ALAS2: variants seen among roughly 807,000 people sequenced by gnomAD.
The protein encoded by ALAS2 is 5-aminolevulinate synthase, erythroid-specific, mitochondrial.
Under a neutral mutation model 33.7 loss-of-function variants are expected in ALAS2, and 3 were observed. That is an observed-to-expected ratio of 0.09 (90% CI 0.04 to 0.23). ALAS2 has a LOEUF of 0.23. Among genes scored for constraint, ALAS2 ranks in the 10% least tolerant of loss-of-function variants. The pLI is 1.00. For synonymous variants in ALAS2, 191 were observed against 177.3 expected, an observed-to-expected ratio of 1.08 and a Z score of -0.61; for missense variants, 304 against 475.1, an observed-to-expected ratio of 0.64 and a Z score of 3.35.
chrX:55,013,973 A>T (rs1221659616), intron 9 of ALAS2, among the ~76,000 whole-genome samples: 3 of 110,780 alleles, frequency 2.7e-5, no homozygotes, highest in African/African-American at 9.9e-5. Flanking sequence ...CACCAAGCCA[A>T]TTCTGGAACC....
chrX:55,025,341 C>T (rs1476697850), intron 2 of ALAS2, among the ~76,000 whole-genome samples: 2 of 111,050 alleles, frequency 1.8e-5, no homozygotes, highest in East Asian at 5.7e-4. Context: ...CTTTTCTTTT[C>T]TTTTCTTTTC....
intron 1 of ALAS2, chrX:55,027,612 A>G: frequency 1.7e-6 from 1 of 581,708 alleles, no homozygotes. Context: ...CACTGTGAAG[A>G]AAGTTACTGA....
chrX:55,012,635 A>C (rs1602243987), intron 10 of ALAS2, among the ~76,000 whole-genome samples: 2 of 111,588 alleles, frequency 1.8e-5, no homozygotes, highest in South Asian at 3.8e-4. Context: ...AAAAATACAG[A>C]AATTAGCTAG....
Position 55,024,753 on chromosome X carries a change from G to C in ALAS2, c.269C>G (p.Pro90Arg). 8.3e-7 allele frequency: 1 copy of C among 1,211,756 alleles called. No individual in the cohort carries two copies. The highest frequency in any genetic ancestry group is 1.1e-6 in the Non-Finnish European group (1 of 895,420). Residue 90 changes from proline to arginine, a missense_variant, in exon 3 of 11, where the codon CCA (proline) becomes CGA (arginine). Transcript: ENST00000650242. The stretch of plus-strand genomic sequence containing the variant: ...AGCCTTCACATCTTCCTGGACTTCT[G>C]GGGCTGCCTTCTGCACAATCTTGCT... ...GKSKIVQKAA[P>R]EVQEDVKAFK...
chrX:55,015,533 C>T, intron 8 of ALAS2, 45 bp downstream of exon 8: 1 of 1,201,799 alleles, frequency 8.3e-7, no homozygotes, highest in Non-Finnish European at 1.1e-6. Context: ...TTGTAAGGGC[C>T]TCCTCTCTGG....
intron 6 of ALAS2, among the ~76,000 whole-genome samples, chrX:55,018,610 A>G (rs1334660307): frequency 8.9e-6 from 1 of 111,938 alleles, no homozygotes; most frequent in African/African-American, 3.2e-5. Context: ...GAATGAGTAT[A>G]TGAATGAATG....
At chrX:55,023,241 T>A (rs935349184) in intron 4 of ALAS2, among the ~76,000 whole-genome samples, 4 of 110,024 alleles carry the variant, frequency 3.6e-5, no homozygotes, top group African/African-American at 1.0e-4. Flanking sequence ...TAGAAAAATA[T>A]CTGGGAGAAA....
chrX:55,021,133 A>G lies in ALAS2; in HGVS notation c.557T>C (p.Val186Ala), dbSNP rs1569547866. Reference sequence around the variant, plus strand: ...CCAGACGGACACATCCTTTGAGGCCACAGATGCCTCAGAGAAATGTTGGGC... The same window carrying G: ...CCAGACGGACACATCCTTTGAGGCCGCAGATGCCTCAGAGAAATGTTGGGC... ...PFAQHFSEASVASKDVSVWCS... is the reference protein window; with the variant it reads ...PFAQHFSEASAASKDVSVWCS... The change falls in exon 5 of 11, where the codon GTG becomes GCG. Residue 186 changes from valine (V) to alanine (A), a missense_variant. Around this residue, in one of 3 missense-constraint regions of ALAS2, gnomAD observed 138 missense variants for 265.3 expected, o/e 0.52. Coordinates refer to ENST00000650242, the MANE Select transcript of ALAS2 (RefSeq NM_000032.5). 8.3e-7 allele frequency: 1 copy of G among 1,211,818 alleles called. No individual in the cohort carries two copies. The highest frequency in any genetic ancestry group is 1.7e-5 in the African/African-American group (1 of 57,878).
At chrX:55,030,733 T>C (rs1469916270) in intron 1 of ALAS2, among the ~76,000 whole-genome samples, 2 of 106,425 alleles carry the variant, frequency 1.9e-5, no homozygotes, top group Non-Finnish European at 3.9e-5. Context: ...CAAAAGAAAG[T>C]AACGAAGGGA....
At position 55,017,512 on chromosome X, in the gene ALAS2, G is replaced by C; in HGVS notation, c.977C>G (p.Ala326Gly). The stretch of plus-strand genomic sequence containing the variant: ...ATCCATGGAGTGGACAGTCTCAAAG[G>C]CCACAATTTTGGGTATCTTAGGGTT... The part of the protein sequence containing the change: ...KSNPKIPKIV[A>G]FETVHSMDGA... Residue 326 changes from alanine to glycine, a missense_variant, in exon 7 of 11, where the codon GCC (alanine) becomes GGC (glycine). Ala to Gly is a moderately conservative substitution (Grantham distance 60). Transcript: ENST00000650242. The C allele has an allele frequency of 8.3e-7, 1 of 1,210,661 alleles. No homozygotes were observed. Among genetic ancestry groups the C allele is most frequent in the Non-Finnish European group, 1.1e-6 (1 of 894,860 alleles).
At position 55,027,568 on chromosome X, in the gene ALAS2, G is replaced by A. The variant is rs57897376; in HGVS notation, c.-15-1553C>T. On this transcript the variant is annotated intron_variant, in intron 1 of 10. Transcript: ENST00000650242. ...AGATAAGGGACAGTACAATGGGAGA[G>A]ACATGGGAGAATGTGAGAAGACTAA... Among the ~76,000 whole-genome samples the A allele has an allele frequency of 0.019, 2,121 of 111,448 alleles. 38 individuals are homozygous for A. Among genetic ancestry groups the A allele is most frequent in the African/African-American group, 0.06 (1,846 of 30,662 alleles).
In ALAS2 at chrX:55,020,345, G is replaced by T. The variant is rs1211773206; in HGVS notation, c.798C>A (p.Leu266=). 8.3e-7 allele frequency: 1 copy of T among 1,209,861 alleles called. No homozygotes were observed. Among genetic ancestry groups the T allele is most frequent in the Non-Finnish European group, 1.1e-6 (1 of 894,838 alleles). The change falls in exon 6 of 11, where the codon CTC becomes CTA. Residue 266 remains leucine, a synonymous_variant. Coordinates refer to ENST00000650242, the MANE Select transcript of ALAS2 (RefSeq NM_000032.5). Reference sequence around the variant, plus strand: ...CTGGCAGGATCTTGGCCAAGGTGAAGAGAGTAGAGTCATTGGCAACAAAGC... The same window carrying T: ...CTGGCAGGATCTTGGCCAAGGTGAATAGAGTAGAGTCATTGGCAACAAAGC... ...SSCFVANDST[L]FTLAKILPGC...
At position 55,011,300 on chromosome X, in the gene ALAS2, C is replaced by G. The variant is rs193066089; in HGVS notation, c.1601-1957G>C. Reference sequence around the variant, plus strand: ...ATTATATACATGTATAACTGTCAGTCTGTATATTAAAGATCAGTATCAGTG... The same window carrying G: ...ATTATATACATGTATAACTGTCAGTGTGTATATTAAAGATCAGTATCAGTG... On this transcript the variant is annotated intron_variant, in intron 10 of 10. Coordinates refer to ENST00000650242, the MANE Select transcript of ALAS2 (RefSeq NM_000032.5). Among the ~76,000 whole-genome samples, 21 of 111,842 alleles carry G rather than the reference C, an allele frequency of 1.9e-4. No homozygotes were observed. In the East Asian group the frequency reaches 4.8e-3, roughly 25 times the overall value.
intron 8 of ALAS2, 81 bp from the exon 9 acceptor site, chrX:55,015,096 G>T: frequency 9.3e-7 from 1 of 1,077,454 alleles, no homozygotes; most frequent in Non-Finnish European, 1.2e-6. Context: ...GATAACACAA[G>T]GGGGTGCACC....
Position 55,014,984 on chromosome X carries a change from A to C in ALAS2, c.1200T>G (p.Ile400Met). 1 of 1,210,857 alleles carries C rather than the reference A, an allele frequency of 8.3e-7. No individual in the cohort carries two copies. The highest frequency in any genetic ancestry group is 1.1e-6 in the Non-Finnish European group (1 of 895,008). The change falls in exon 9 of 11, where the codon ATT becomes ATG. Residue 400 changes from isoleucine to methionine, a missense_variant. Coordinates refer to ENST00000650242, the MANE Select transcript of ALAS2 (RefSeq NM_000032.5). The stretch of plus-strand genomic sequence containing the variant: ...TGTCCACCAAGTCACGGGTGCTGGC[A>C]ATGTAGCCGCCCACACAGCCAAAGG... ...GKAFGCVGGY[I>M]ASTRDLVDMV...
At position 55,026,035 on chromosome X, in the gene ALAS2, G is replaced by A. The variant is rs754981195; in HGVS notation, c.-15-20C>T. The A allele has an allele frequency of 3.4e-6, 4 of 1,192,637 alleles. No individual in the cohort carries two copies. The highest frequency in any genetic ancestry group is 4.5e-6 in the Non-Finnish European group (4 of 882,643). On this transcript the variant is annotated intron_variant, in intron 1 of 10. Coordinates refer to ENST00000650242, the MANE Select transcript of ALAS2 (RefSeq NM_000032.5). Reference sequence around the variant, plus strand: ...AAAGTCCTGCAGAAGACATGGAAGAGATGAGGTTCCATCATGAGGGCCTGG... The same window carrying A: ...AAAGTCCTGCAGAAGACATGGAAGAAATGAGGTTCCATCATGAGGGCCTGG...
At chrX:55,026,105 A>G in intron 1 of ALAS2, 90 bp from the exon 2 acceptor site, 1 of 851,083 alleles carries the variant, frequency 1.2e-6, no homozygotes, top group East Asian at 3.4e-5. Context: ...TCCCACCCAA[A>G]ACTTGCTGCC....
At chrX:55,014,703 G>T in intron 9 of ALAS2, 44 bp downstream of exon 9, 1 of 1,111,379 alleles carries the variant, frequency 9.0e-7, no homozygotes, top group South Asian at 2.5e-5. Context: ...GAGGCTCCCA[G>T]AATAAATAGG....
At chrX:55,010,958 A>G (rs956915711) in intron 10 of ALAS2, among the ~76,000 whole-genome samples, 1 of 111,803 alleles carries the variant, frequency 8.9e-6, no homozygotes, top group Non-Finnish European at 1.9e-5. Flanking sequence ...AGTTAAGTCT[A>G]CAAGATGAAG....
Sources: allele counts gnomAD v4.1 joint callset (sites outside exome capture counted in the v4.1 genomes callset), GRCh38; gene constraint gnomAD v4.1.1; regional missense constraint gnomAD v4.1.1; transcripts MANE v1.5; gene names NCBI Gene and HGNC (gene_info 2026-07-23, HGNC 2026-07-21).